The following LRRC4C variants were observed in gnomAD, a reference collection of about 807,000 sequenced individuals.
LRRC4C encodes the protein leucine-rich repeat-containing protein 4C.
A neutral mutation model predicts 33.6 loss-of-function variants in LRRC4C; 5 were observed. The observed-to-expected ratio is 0.15, with a 90% CI of 0.08 to 0.31. The LOEUF (loss-of-function observed/expected upper bound fraction) is 0.31, where lower values mean the gene tolerates loss of function less well. Among genes scored for constraint, LRRC4C ranks in the 10% least tolerant of loss-of-function variants. LRRC4C has a pLI of 1.00. For synonymous variants in LRRC4C, 329 were observed against 302.0 expected (o/e 1.09, Z -0.93); for missense variants, 560 against 796.7 (o/e 0.70, Z 3.58).
chr11:40,468,990 T>TA (rs1952789959), intron 3 of LRRC4C, among the ~76,000 whole-genome samples: 1 of 152,110 alleles, frequency 6.6e-6, no homozygotes, highest in Non-Finnish European at 1.5e-5. Context: ...ATCTGCAAAA[T>TA]AAAAATAATA....
At chr11:41,062,939 G>C (rs1937904505) in intron 1 of LRRC4C, among the ~76,000 whole-genome samples, 1 of 152,192 alleles carries the variant, frequency 6.6e-6, no homozygotes, top group Admixed American at 6.5e-5. Flanking sequence ...ATGAGAGAGA[G>C]AGAGAGAGAG....
At chr11:41,387,690 G>A (rs554614004) in intron 1 of LRRC4C, among the ~76,000 whole-genome samples, 2 of 151,864 alleles carry the variant, frequency 1.3e-5, no homozygotes, top group East Asian at 3.9e-4. Context: ...TAAACAAAAT[G>A]TTATGGGTGA....
chr11:40,693,310 T>C (rs1469075258), intron 2 of LRRC4C, among the ~76,000 whole-genome samples: 3 of 152,112 alleles, frequency 2.0e-5, no homozygotes, highest in Non-Finnish European at 2.9e-5. Flanking sequence ...GAGAGAATGG[T>C]AAAATAGTTG....
At chr11:40,751,378 A>G (rs1362405361) in intron 2 of LRRC4C, among the ~76,000 whole-genome samples, 1 of 152,134 alleles carries the variant, frequency 6.6e-6, no homozygotes, top group East Asian at 1.9e-4. Context: ...AAAAGACTCC[A>G]CCAAAAAACT....
At chr11:40,259,504 G>A (rs1376741977) in intron 4 of LRRC4C, among the ~76,000 whole-genome samples, 12 of 151,776 alleles carry the variant, frequency 7.9e-5, no homozygotes, top group Admixed American at 3.9e-4. Flanking sequence ...TGTCCTGAAT[G>A]GTAATGCCTA....
chr11:40,930,725 A>G (rs1222116708), intron 2 of LRRC4C, among the ~76,000 whole-genome samples: 1 of 152,164 alleles, frequency 6.6e-6, no homozygotes, highest in Non-Finnish European at 1.5e-5. Context: ...AAATGCCCCT[A>G]TGATACAGTG....
At chr11:41,068,209 G>A (rs986016072) in intron 1 of LRRC4C, among the ~76,000 whole-genome samples, 9 of 152,004 alleles carry the variant, frequency 5.9e-5, no homozygotes, top group South Asian at 4.1e-4. Flanking sequence ...CCTGGCCAAC[G>A]TGGTGAAACC....
intron 3 of LRRC4C, among the ~76,000 whole-genome samples, chr11:40,535,326 A>G (rs1390038856): frequency 1.3e-5 from 2 of 152,168 alleles, no homozygotes; most frequent in Non-Finnish European, 2.9e-5. Flanking sequence ...TAATAGAAAA[A>G]AGTATATAAA....
At chr11:41,219,262 G>A (rs1947199455) in intron 1 of LRRC4C, among the ~76,000 whole-genome samples, 1 of 152,166 alleles carries the variant, frequency 6.6e-6, no homozygotes, top group Non-Finnish European at 1.5e-5. Context: ...CTCTGGGGAT[G>A]AGAAAAGAGA....
intron 2 of LRRC4C, among the ~76,000 whole-genome samples, chr11:40,739,367 C>T (rs1172083281): frequency 6.6e-6 from 1 of 151,722 alleles, no homozygotes; most frequent in Non-Finnish European, 1.5e-5. Context: ...GATTCATCCA[C>T]ATTGTTGCAA....
chr11:40,733,487 G>C (rs1276150232), intron 2 of LRRC4C, among the ~76,000 whole-genome samples: 1 of 152,006 alleles, frequency 6.6e-6, no homozygotes, highest in African/African-American at 2.4e-5. Context: ...AAATTGATTT[G>C]GGATCCAGAT....
chr11:40,945,017 G>GTTTTTTTTTT (rs1958327148), intron 1 of LRRC4C, among the ~76,000 whole-genome samples: 2 of 134,654 alleles, frequency 1.5e-5, no homozygotes, highest in African/African-American at 5.8e-5. Context: ...CAACTTTGCA[G>GTTTTTTTTTT]TTTTTCTTTT....
rs781087612 is a variant in LRRC4C at position 40,114,335 on chromosome 11, TTTGA to T, written c.*31_*34del. ...TCATTTTTAATAAACTGTCTTTTTT[TTTGA>T]TTGTTTGTTTTTTGTAACTCTGTAA... On this transcript the variant is annotated 3_prime_UTR_variant, in exon 7 of 7. Transcript: ENST00000528697. 57 of 1,523,818 alleles carry T rather than the reference TTTGA, an allele frequency of 3.7e-5. No homozygotes were observed. The highest frequency in any genetic ancestry group is 3.9e-4 in the Middle Eastern group (2 of 5,168). The allele number at this position is 1,523,818 out of a possible 1,614,324, so 94.4% of individuals were successfully genotyped here.
chr11:41,342,483 G>T (rs1214548693), intron 1 of LRRC4C, among the ~76,000 whole-genome samples: 1 of 152,146 alleles, frequency 6.6e-6, no homozygotes, highest in African/African-American at 2.4e-5. Flanking sequence ...GGGAGGCTGA[G>T]GGGGGTGGAC....
intron 2 of LRRC4C, among the ~76,000 whole-genome samples, chr11:40,667,657 GC>G (rs907300337): frequency 6.6e-6 from 1 of 152,196 alleles, no homozygotes; most frequent in Non-Finnish European, 1.5e-5. Flanking sequence ...ACTCATGGGA[GC>G]TACAGTGCCC....
At chr11:41,210,957 T>A (rs1946797353) in intron 1 of LRRC4C, among the ~76,000 whole-genome samples, 1 of 152,126 alleles carries the variant, frequency 6.6e-6, no homozygotes, top group Admixed American at 6.5e-5. Context: ...CCCTCACATA[T>A]GCAGTTCACA....
chr11:40,273,466 T>C (rs942424478), intron 4 of LRRC4C, among the ~76,000 whole-genome samples: 1 of 152,134 alleles, frequency 6.6e-6, no homozygotes, highest in Non-Finnish European at 1.5e-5. Flanking sequence ...ACAGAAGGTA[T>C]AGAAATTCAG....
chr11:41,396,449 T>C, intron 1 of LRRC4C, among the ~76,000 whole-genome samples: 1 of 151,938 alleles, frequency 6.6e-6, no homozygotes, highest in Non-Finnish European at 1.5e-5. Flanking sequence ...TTTCATGTAT[T>C]CTTTTTTTTC....
In LRRC4C at chr11:40,964,418, G is replaced by A. The variant is rs186417072; in HGVS notation, c.-495-30695C>T. 1.5e-4 allele frequency among the ~76,000 whole-genome samples: 22 copies of A among 151,684 alleles called. No homozygotes were observed. In the East Asian group the frequency reaches 4.1e-3, roughly 28 times the overall value. ...AAGTTTTAGGCTACATGTGCACAAC[G>A]TGCAGGTTTGTTACATATGTAAACA... is the stretch of plus-strand genomic sequence containing the variant. On this transcript the variant is annotated intron_variant, in intron 1 of 6. Coordinates refer to ENST00000528697, the MANE Select transcript of LRRC4C (RefSeq NM_001258419.2).
Sources: allele counts gnomAD v4.1 joint callset (sites outside exome capture counted in the v4.1 genomes callset), GRCh38; gene constraint gnomAD v4.1.1; transcripts MANE v1.5; gene names NCBI Gene and HGNC (gene_info 2026-07-23, HGNC 2026-07-21).